The following CSMD3 variants were observed in gnomAD, a reference collection of about 807,000 sequenced individuals.
CSMD3 encodes CUB and sushi domain-containing protein 3.
Under a neutral mutation model 435.2 loss-of-function variants are expected in CSMD3, and 177 were observed. The observed-to-expected ratio is 0.41, with a 90% CI of 0.36 to 0.46. CSMD3 has a LOEUF of 0.46. Among genes scored for constraint, CSMD3 ranks in the 20% least tolerant of loss-of-function variants. The probability of loss-of-function intolerance (pLI) is 0.34; values close to 1 mark genes in which losing one functional copy is unlikely to be tolerated. For missense variants in CSMD3, 4,265 were observed against 4,504.6 expected (o/e 0.95, Z 1.52); for synonymous variants, 1,656 against 1,520.5 (o/e 1.09, Z -2.07).
At chr8:112,908,999 T>C (rs1265622535) in intron 10 of CSMD3, among the ~76,000 whole-genome samples, 1 of 151,644 alleles carries the variant, frequency 6.6e-6, no homozygotes, top group Non-Finnish European at 1.5e-5. Flanking sequence ...TTTTGCTTTA[T>C]GTTTTTTATA....
intron 13 of CSMD3, among the ~76,000 whole-genome samples, chr8:112,696,522 A>G (rs1357626005): frequency 2.6e-5 from 4 of 152,144 alleles, no homozygotes; most frequent in Admixed American, 6.6e-5. Context: ...GGCTAGCCAT[A>G]CATAGAAAGC....
chr8:113,384,423 G>A (rs2094430968), intron 1 of CSMD3, among the ~76,000 whole-genome samples: 1 of 151,328 alleles, frequency 6.6e-6, no homozygotes, highest in African/African-American at 2.5e-5. Context: ...AACATACTAA[G>A]TGTTTCAATA....
At chr8:112,899,621 ATATATATATATG>A (rs1454113996) in intron 10 of CSMD3, among the ~76,000 whole-genome samples, 13 of 109,298 alleles carry the variant, frequency 1.2e-4, no homozygotes, top group Non-Finnish European at 1.4e-4. Context: ...ATATATATAT[ATATATATATATG>A]TATATACATA....
intron 40 of CSMD3, 95 bp from the exon 41 acceptor site, chr8:112,346,308 T>C (rs879580177): frequency 4.5e-5 from 37 of 817,198 alleles, no homozygotes; most frequent in African/African-American, 8.5e-5. Context: ...TTCAAGGCTC[T>C]GAGTTAAAAC....
intron 31 of CSMD3, among the ~76,000 whole-genome samples, chr8:112,491,855 T>C (rs1337125052): frequency 6.6e-6 from 1 of 152,178 alleles, no homozygotes; most frequent in East Asian, 1.9e-4. Flanking sequence ...ACTTCTGTGT[T>C]AATTTTTGTA....
chr8:112,689,993 C>T lies in CSMD3; in HGVS notation c.2030G>A (p.Gly677Asp), dbSNP rs750756705. The T allele has an allele frequency of 6.2e-7, 1 of 1,612,994 alleles. No homozygotes were observed. Among genetic ancestry groups the T allele is most frequent in the Non-Finnish European group, 8.5e-7 (1 of 1,179,212 alleles). ...PGTPLYGIRE[G>D]DGFSNRDVLR... is the part of the protein sequence containing the mutation. ...AACATCACGATTAGAAAATCCATCG[C>T]CTTCTCTAATTCCATATAAGGGTGT... Residue 677 changes from glycine (G) to aspartate (D), a missense_variant, in exon 14 of 71, where the codon GGC (glycine) becomes GAC (aspartate). Coordinates refer to ENST00000297405, the MANE Select transcript of CSMD3 (RefSeq NM_198123.2).
intron 4 of CSMD3, among the ~76,000 whole-genome samples, chr8:113,137,443 C>T (rs544211881): frequency 1.3e-5 from 2 of 151,734 alleles, no homozygotes; most frequent in South Asian, 4.1e-4. Flanking sequence ...ATTCCCAATG[C>T]AATTGTGCTA....
intron 28 of CSMD3, among the ~76,000 whole-genome samples, chr8:112,507,976 T>C (rs993350641): frequency 1.3e-5 from 2 of 152,146 alleles, no homozygotes; most frequent in African/African-American, 4.8e-5. Context: ...CATTATAAAA[T>C]GATTAGACAT....
rs1827789165 is a variant in CSMD3 at position 112,552,659 on chromosome 8, A to C, written c.4296T>G (p.Pro1432=). The change falls in exon 26 of 71, where the codon CCT becomes CCG. Residue 1432 remains proline, a synonymous_variant. Transcript: ENST00000297405. ...SSGRILSPGY[P]FPYDNNLRCM... ...AACGCAGGTTATTGTCATATGGAAA[A>C]GGATAGCCAGGAGATAAGATTCTTC... The C allele has an allele frequency of 6.2e-7, 1 of 1,611,954 alleles. No individual in the cohort carries two copies. Among genetic ancestry groups the C allele is most frequent in the East Asian group, 2.2e-5 (1 of 44,762 alleles).
chr8:112,310,909 A>T (rs2130811316), intron 50 of CSMD3, 69 bp downstream of exon 50: 1 of 1,346,238 alleles, frequency 7.4e-7, no homozygotes, highest in Non-Finnish European at 1.1e-6. Flanking sequence ...TTAGTGATCC[A>T]AATAAAAACG....
At chr8:112,941,177 G>A (rs1291175902) in intron 9 of CSMD3, among the ~76,000 whole-genome samples, 2 of 151,746 alleles carry the variant, frequency 1.3e-5, no homozygotes, top group East Asian at 3.9e-4. Flanking sequence ...AGGCAAAAAC[G>A]CTAAGATATA....
At chr8:112,240,153 T>C (rs976197482) in intron 66 of CSMD3, among the ~76,000 whole-genome samples, 2 of 152,140 alleles carry the variant, frequency 1.3e-5, no homozygotes, top group African/African-American at 2.4e-5. Context: ...TTTCCAAACA[T>C]ACAGGAATGT....
At chr8:112,912,742 C>T (rs138132242) in intron 10 of CSMD3, among the ~76,000 whole-genome samples, 30 of 151,966 alleles carry the variant, frequency 2.0e-4, no homozygotes, top group African/African-American at 6.5e-4. Context: ...AGAGCTTCTG[C>T]ACGGCAAAGG....
chr8:112,554,704 C>T (rs1827969695), intron 25 of CSMD3, among the ~76,000 whole-genome samples: 1 of 151,784 alleles, frequency 6.6e-6, no homozygotes, highest in South Asian at 2.1e-4. Flanking sequence ...AGTTCATATT[C>T]TATATAAAAC....
intron 3 of CSMD3, among the ~76,000 whole-genome samples, chr8:113,198,308 T>A (rs1279610610): frequency 6.6e-6 from 1 of 151,398 alleles, no homozygotes; most frequent in Admixed American, 6.6e-5. Flanking sequence ...CATCATCCTG[T>A]TAAATTTAGT....
At chr8:112,651,527 T>C (rs2075125582) in intron 18 of CSMD3, among the ~76,000 whole-genome samples, 1 of 151,646 alleles carries the variant, frequency 6.6e-6, no homozygotes, top group Non-Finnish European at 1.5e-5. Flanking sequence ...ATTATTTTTC[T>C]AAGCACCCAG....
chr8:113,008,257 G>C lies in CSMD3; in HGVS notation c.1030+10810C>G, dbSNP rs573850417. On this transcript the variant is annotated intron_variant, in intron 6 of 70. Transcript: ENST00000297405. ...AAAGTTCTGAAATAAGGCAGTCCAG[G>C]AAATACAATAATCATAGAAAATAAA... 4.0e-5 allele frequency among the ~76,000 whole-genome samples: 6 copies of C among 151,808 alleles called. No individual in the cohort carries two copies. In the South Asian group the frequency reaches 1.2e-3, roughly 32 times the overall value.
intron 10 of CSMD3, among the ~76,000 whole-genome samples, chr8:112,914,924 T>C (rs2082531174): frequency 6.6e-6 from 1 of 151,902 alleles, no homozygotes; most frequent in African/African-American, 2.4e-5. Flanking sequence ...CTAACTGTAG[T>C]ATATTTAAGT....
In CSMD3 at chr8:112,965,944, A is replaced by G. The variant is rs761320480; in HGVS notation, c.1342+9893T>C. Among the ~76,000 whole-genome samples the G allele has an allele frequency of 4.5e-4, 68 of 151,878 alleles. 1 individual carries two copies. The highest frequency in any genetic ancestry group is 3.9e-4 in the Admixed American group (6 of 15,198). On this transcript the variant is annotated intron_variant, in intron 7 of 70. Transcript: ENST00000297405. ...ATGTATTTAAATGATAAATTGGTACATTTCTGAACATGAATTATTAAATAG... is the reference window on the plus strand; with the variant it reads ...ATGTATTTAAATGATAAATTGGTACGTTTCTGAACATGAATTATTAAATAG...
Sources: allele counts gnomAD v4.1 joint callset (sites outside exome capture counted in the v4.1 genomes callset), GRCh38; gene constraint gnomAD v4.1.1; transcripts MANE v1.5; gene names NCBI Gene and HGNC (gene_info 2026-07-23, HGNC 2026-07-21).